Variants in C12orf42 observed in about 807,000 individuals in gnomAD.
C12orf42 encodes the protein chromosome 12 open reading frame 42.
A neutral mutation model predicts 21.6 loss-of-function variants in C12orf42; 25 were observed. That is an observed-to-expected ratio of 1.16 (90% CI 0.84 to 1.62). The LOEUF (loss-of-function observed/expected upper bound fraction) is 1.62. Ranked by LOEUF, C12orf42 falls within the 40% of genes most tolerant of loss-of-function variation. The pLI, the probability that C12orf42 is intolerant of heterozygous loss-of-function variation, is 0.00. For missense variants in C12orf42, 483 were observed against 459.3 expected (o/e 1.05, Z -0.47); for synonymous variants, 174 against 175.0 (o/e 0.99, Z 0.05).
chr12:103,369,792 G>C (rs2045024758), intron 3 of C12orf42, among the ~76,000 whole-genome samples: 1 of 151,948 alleles, frequency 6.6e-6, no homozygotes, highest in Admixed American at 6.6e-5. Context: ...GATAACCTAG[G>C]CAATAGCATT....
intron 1 of C12orf42, 97 bp from the exon 2 acceptor site, chr12:103,478,544 A>G: frequency 1.9e-6 from 1 of 515,976 alleles, no homozygotes; most frequent in Non-Finnish European, 3.3e-6. Context: ...GAATCATCCT[A>G]TCCATGAACA....
At chr12:103,491,358 GAGGA>G (rs1955173565) in intron 1 of C12orf42, among the ~76,000 whole-genome samples, 1 of 152,132 alleles carries the variant, frequency 6.6e-6, no homozygotes, top group Non-Finnish European at 1.5e-5. Context: ...ACTATAACAA[GAGGA>G]AACTCTGGTG....
the C12orf42 span, among the ~76,000 whole-genome samples, chr12:103,187,270 C>T: frequency 6.6e-6 from 1 of 152,146 alleles, no homozygotes; most frequent in Non-Finnish European, 1.5e-5. Context: ...ATTTAATCCT[C>T]ATAAAGCTTC....
chr12:103,363,601 C>T (rs1463897032), intron 4 of C12orf42, among the ~76,000 whole-genome samples: 5 of 152,170 alleles, frequency 3.3e-5, no homozygotes, highest in South Asian at 4.1e-4. Context: ...CTTCAAGAGA[C>T]TCCCCTGACA....
At chr12:103,147,253 A>C in the C12orf42 span, among the ~76,000 whole-genome samples, 1 of 152,194 alleles carries the variant, frequency 6.6e-6, no homozygotes, top group South Asian at 2.1e-4. Context: ...GAAGGAGGAA[A>C]ACAACCTAGT....
chr12:103,211,546 G>C, the C12orf42 span, among the ~76,000 whole-genome samples: 6 of 152,172 alleles, frequency 3.9e-5, no homozygotes, highest in Non-Finnish European at 5.9e-5. Flanking sequence ...CAGGTGCTAA[G>C]GAATGAAGGC....
At chr12:103,374,429 G>A (rs1226469316) in intron 3 of C12orf42, among the ~76,000 whole-genome samples, 2 of 152,100 alleles carry the variant, frequency 1.3e-5, no homozygotes, top group Non-Finnish European at 2.9e-5. Flanking sequence ...GGCTGCTGCA[G>A]CTATTTCACC....
the C12orf42 span, among the ~76,000 whole-genome samples, chr12:103,230,512 G>A: frequency 6.6e-6 from 1 of 152,162 alleles, no homozygotes; most frequent in African/African-American, 2.4e-5. Context: ...CAAGAGGAGA[G>A]GATTATATAG....
chr12:103,048,196 A>G, the C12orf42 span, among the ~76,000 whole-genome samples: 8 of 151,564 alleles, frequency 5.3e-5, no homozygotes, highest in Non-Finnish European at 1.0e-4. Context: ...AGATAGGGAA[A>G]GGAATGGGGG....
the C12orf42 span, among the ~76,000 whole-genome samples, chr12:103,166,812 G>A: frequency 3.9e-5 from 6 of 152,168 alleles, 1 homozygote; most frequent in South Asian, 1.2e-3. Flanking sequence ...AACTTCTTAA[G>A]GCAAAATTTC....
the C12orf42 span, among the ~76,000 whole-genome samples, chr12:103,066,270 C>G: frequency 6.6e-6 from 1 of 152,134 alleles, no homozygotes; most frequent in Non-Finnish European, 1.5e-5. Flanking sequence ...GGGTTGTGCA[C>G]AGCAGCATTT....
the C12orf42 span, among the ~76,000 whole-genome samples, chr12:103,227,995 G>A: frequency 2.0e-4 from 31 of 152,260 alleles, no homozygotes; most frequent in African/African-American, 6.0e-4. Flanking sequence ...TGGGCTGGTC[G>A]GTCTGAGGAC....
the C12orf42 span, among the ~76,000 whole-genome samples, chr12:103,085,707 A>C: frequency 6.6e-6 from 1 of 152,176 alleles, no homozygotes; most frequent in Non-Finnish European, 1.5e-5. Flanking sequence ...TAATTTTACT[A>C]TGTGGCTGAA....
chr12:103,424,119 G>A (rs1211604676), intron 2 of C12orf42, among the ~76,000 whole-genome samples: 2 of 152,238 alleles, frequency 1.3e-5, no homozygotes, highest in Non-Finnish European at 2.9e-5. Flanking sequence ...TCATCATGCA[G>A]AAGTGAAGCC....
the C12orf42 span, among the ~76,000 whole-genome samples, chr12:103,530,107 G>A: frequency 2.6e-5 from 4 of 152,188 alleles, no homozygotes; most frequent in Admixed American, 2.6e-4. Context: ...AGTGGAGATT[G>A]CTGAAAATAA....
chr12:103,244,905 T>A lies in C12orf42; in HGVS notation c.*1367-7003A>T, dbSNP rs549849548. 4.6e-5 allele frequency among the ~76,000 whole-genome samples: 7 copies of A among 152,160 alleles called. No individual in the cohort carries two copies. The East Asian group carries it at 1.4e-3, about 29-fold the overall frequency. Reference sequence around the variant, plus strand: ...TGAGGTACATGGACATCTCTGTAGGTCTTTTTATTTGTGGTGACATCAGAA... The same window carrying A: ...TGAGGTACATGGACATCTCTGTAGGACTTTTTATTTGTGGTGACATCAGAA... On this transcript the variant is annotated intron_variant and NMD_transcript_variant, in intron 10 of 10. Coordinates refer to the C12orf42 transcript ENST00000547347.
At chr12:103,283,289 CAA>C (rs2036243544) in intron 4 of C12orf42, among the ~76,000 whole-genome samples, 1 of 152,154 alleles carries the variant, frequency 6.6e-6, no homozygotes, top group Non-Finnish European at 1.5e-5. Flanking sequence ...TCCATTTCTA[CAA>C]TCACTGTCTT....
chr12:103,391,431 T>G (rs533827502), intron 3 of C12orf42, among the ~76,000 whole-genome samples: 4 of 152,226 alleles, frequency 2.6e-5, no homozygotes, highest in African/African-American at 9.6e-5. Flanking sequence ...CCAAAACATA[T>G]CATTTTTCAT....
chr12:103,181,184 C>T, the C12orf42 span, among the ~76,000 whole-genome samples: 716 of 152,104 alleles, frequency 4.7e-3, 1 homozygote, highest in Non-Finnish European at 8.4e-3. Context: ...ATCATTTGAA[C>T]CCAGGAGGCA....
Sources: allele counts gnomAD v4.1 joint callset (sites outside exome capture counted in the v4.1 genomes callset), GRCh38; gene constraint gnomAD v4.1.1; transcripts MANE v1.5; gene names NCBI Gene and HGNC (gene_info 2026-07-23, HGNC 2026-07-21).